Variants in EPC2 observed in about 807,000 individuals in gnomAD.
The protein encoded by EPC2 is enhancer of polycomb homolog 2.
EPC2 carries 14 observed loss-of-function variants against 92.1 expected under a neutral mutation model. The ratio of observed to expected loss-of-function variants is 0.15; its 90% CI spans 0.10 to 0.24. The LOEUF (loss-of-function observed/expected upper bound fraction) is 0.24, where lower values mean the gene tolerates loss of function less well. EPC2 is among the 10% of genes least tolerant of loss of function. EPC2 has a pLI of 1.00. For synonymous variants in EPC2, 340 were observed against 334.7 expected, an observed-to-expected ratio of 1.02 and a Z score of -0.17; for missense variants, 755 against 971.5, an observed-to-expected ratio of 0.78 and a Z score of 2.96.
chr2:148,735,541 T>C (rs768097971), intron 2 of EPC2, among the ~76,000 whole-genome samples: 1 of 151,980 alleles, frequency 6.6e-6, no homozygotes, highest in Non-Finnish European at 1.5e-5. Flanking sequence ...GGAAAAATTT[T>C]AACATTCAAA....
intron 3 of EPC2, among the ~76,000 whole-genome samples, chr2:148,749,241 T>A (rs541562557): frequency 6.6e-6 from 1 of 152,282 alleles, no homozygotes; most frequent in South Asian, 2.1e-4. Flanking sequence ...GTGTTCATAG[T>A]ACCAGCAGCA....
intron 7 of EPC2, among the ~76,000 whole-genome samples, chr2:148,767,845 G>C (rs1022567187): frequency 6.6e-6 from 1 of 152,178 alleles, no homozygotes; most frequent in African/African-American, 2.4e-5. Context: ...TTTATACACA[G>C]AATTTCTGAG....
At chr2:148,712,457 A>G (rs947705803) in intron 2 of EPC2, among the ~76,000 whole-genome samples, 3 of 152,210 alleles carry the variant, frequency 2.0e-5, no homozygotes, top group African/African-American at 7.2e-5. Flanking sequence ...TGTTTTGATC[A>G]ATGATGAACC....
chr2:148,692,145 T>C (rs1368832003), intron 2 of EPC2: 1 of 226,160 alleles, frequency 4.4e-6, no homozygotes, highest in Non-Finnish European at 8.8e-6. Context: ...TCTTTCATAT[T>C]TAACATTTCC....
intron 2 of EPC2, among the ~76,000 whole-genome samples, chr2:148,716,054 A>G (rs1269742490): frequency 6.6e-6 from 1 of 151,964 alleles, no homozygotes; most frequent in Non-Finnish European, 1.5e-5. Context: ...GAAGGCCAAC[A>G]ATTTTTGAAC....
At chr2:148,773,581 A>G (rs1399422322) in intron 10 of EPC2, among the ~76,000 whole-genome samples, 1 of 152,070 alleles carries the variant, frequency 6.6e-6, no homozygotes, top group South Asian at 2.1e-4. Flanking sequence ...ATTCTTCTTC[A>G]CTGACTGTGA....
chr2:148,656,063 A>G (rs962129842), intron 1 of EPC2, among the ~76,000 whole-genome samples: 7 of 144,796 alleles, frequency 4.8e-5, no homozygotes, highest in African/African-American at 7.6e-5. Context: ...TTCTAGACAA[A>G]GGCTTTTTTA....
chr2:148,745,323 G>GA lies in EPC2; in HGVS notation c.459+1557dup, dbSNP rs531852180. On this transcript the variant is annotated intron_variant, in intron 3 of 13. Coordinates refer to ENST00000258484, the MANE Select transcript of EPC2 (RefSeq NM_015630.4). ...AGAAACTACTCATAGTGGCTGAGAT[G>GA]ATACCATCAGAAGCCTTCAGCTCTC... is the stretch of plus-strand genomic sequence containing the variant. Among the ~76,000 whole-genome samples the GA allele has an allele frequency of 7.2e-5, 11 of 152,220 alleles. No individual in the cohort carries two copies. In the South Asian group the frequency reaches 2.3e-3, roughly 32 times the overall value.
At chr2:148,757,964 A>T in intron 4 of EPC2, among the ~76,000 whole-genome samples, 1 of 152,192 alleles carries the variant, frequency 6.6e-6, no homozygotes, top group East Asian at 1.9e-4. Context: ...GAATACAAAG[A>T]TAAGCCTGGA....
intron 3 of EPC2, among the ~76,000 whole-genome samples, chr2:148,749,446 C>T (rs565454580): frequency 5.9e-5 from 9 of 151,412 alleles, no homozygotes; most frequent in African/African-American, 1.7e-4. Flanking sequence ...AAATTAAAAG[C>T]GCCTAAAACT....
intron 1 of EPC2, among the ~76,000 whole-genome samples, chr2:148,671,335 T>C (rs1681150852): frequency 2.0e-5 from 3 of 149,612 alleles, no homozygotes; most frequent in Non-Finnish European, 3.0e-5. Context: ...TCTTTTTGGC[T>C]GGGCATGATG....
chr2:148,781,674 A>G lies in EPC2; in HGVS notation c.1751A>G (p.Gln584Arg). 2 of 1,613,974 alleles carry G rather than the reference A, an allele frequency of 1.2e-6. No homozygotes were observed. Among genetic ancestry groups the G allele is most frequent in the Non-Finnish European group, 1.7e-6 (2 of 1,179,866 alleles). The change falls in exon 11 of 14, where the codon CAG becomes CGG. Residue 584 changes from glutamine to arginine, a missense_variant. This residue lies in a region of EPC2 where 3 missense variants were observed against 19.3 expected (regional missense o/e 0.16). Transcript: ENST00000258484. ...GGGGGTATCACAGAAGAGCAGTTTC[A>G]GACACATCAGCAGCAGTTAGTTCAG... ...VTGGITEEQF[Q>R]THQQQLVQMQ...
chr2:148,647,588 T>C (rs1047360945), intron 1 of EPC2, among the ~76,000 whole-genome samples: 1 of 149,962 alleles, frequency 6.7e-6, no homozygotes, highest in Non-Finnish European at 1.5e-5. Flanking sequence ...ATTACAGGTG[T>C]GAGCCACTGC....
At chr2:148,776,941 A>G (rs1171246531) in intron 10 of EPC2, among the ~76,000 whole-genome samples, 1 of 146,824 alleles carries the variant, frequency 6.8e-6, no homozygotes, top group Non-Finnish European at 1.5e-5. Flanking sequence ...GCTCACTGCA[A>G]TCTTCACCTC....
At chr2:148,671,754 T>C (rs1574572693) in intron 1 of EPC2, among the ~76,000 whole-genome samples, 1 of 152,204 alleles carries the variant, frequency 6.6e-6, no homozygotes, top group East Asian at 1.9e-4. Flanking sequence ...TACCCTTTCT[T>C]AACCATCTTT....
At chr2:148,695,174 A>G (rs754168017) in intron 2 of EPC2, among the ~76,000 whole-genome samples, 1 of 152,236 alleles carries the variant, frequency 6.6e-6, no homozygotes, top group Non-Finnish European at 1.5e-5. Flanking sequence ...TTATTTTGAA[A>G]TGAAAGTTTA....
chr2:148,773,011 G>T (rs970355298), intron 10 of EPC2, among the ~76,000 whole-genome samples: 3 of 152,076 alleles, frequency 2.0e-5, no homozygotes, highest in African/African-American at 7.2e-5. Context: ...ATTAAAAAAT[G>T]ATTTTAATAT....
chr2:148,753,324 G>T (rs1442347617), intron 3 of EPC2, among the ~76,000 whole-genome samples: 1 of 152,178 alleles, frequency 6.6e-6, no homozygotes, highest in African/African-American at 2.4e-5. Context: ...GTATTCTCTA[G>T]TACTTAACAC....
rs1683761853 is a variant in EPC2, at chr2:148,644,930, G to A, written c.-88G>A. 9.6e-6 allele frequency: 11 copies of A among 1,148,376 alleles called. No homozygotes were observed. In the South Asian group the frequency reaches 1.4e-4, roughly 14 times the overall value. 71.1% of individuals were successfully genotyped at this position (1,148,376 alleles called of 1,614,324 possible). A position where few individuals can be genotyped will look rare whatever the true frequency, so the allele number is the denominator to read the frequency against. On this transcript the variant is annotated 5_prime_UTR_variant, in exon 1 of 14. Transcript: ENST00000258484. Reference sequence around the variant, plus strand: ...GGGCCGGCCGCGCTGCACTGAGGAAGGAGGTGGAGGAGGCGGCGGGAGTCC... The same window carrying A: ...GGGCCGGCCGCGCTGCACTGAGGAAAGAGGTGGAGGAGGCGGCGGGAGTCC...
Sources: gnomAD v4.1 joint callset for allele counts (sites outside exome capture counted in the v4.1 genomes callset) on GRCh38, gnomAD v4.1.1 for gene constraint, gnomAD v4.1.1 regional missense constraint, MANE v1.5 for transcripts, NCBI Gene and HGNC (gene_info 2026-07-23, HGNC 2026-07-21) for gene names.